Variants in RNF180 observed in about 807,000 individuals in gnomAD.
The protein encoded by RNF180 is E3 ubiquitin-protein ligase RNF180.
RNF180 carries 38 observed loss-of-function variants against 59.2 expected under a neutral mutation model. That is an observed-to-expected ratio of 0.64 (90% CI 0.50 to 0.84). The LOEUF (loss-of-function observed/expected upper bound fraction) is 0.84. Among genes scored for constraint, RNF180 ranks in the 40% least tolerant of loss-of-function variants. The pLI is 0.00. For missense variants in RNF180, 705 were observed against 700.9 expected (o/e 1.01, Z -0.07); for synonymous variants, 262 against 240.3 (o/e 1.09, Z -0.84).
At chr5:64,334,998 A>C (rs1001411332) in intron 7 of RNF180, among the ~76,000 whole-genome samples, 1 of 152,230 alleles carries the variant, frequency 6.6e-6, no homozygotes, top group African/African-American at 2.4e-5. Flanking sequence ...GTGATGATTT[A>C]TCACCAGCTT....
chr5:64,232,433 C>T (rs1295733494), intron 5 of RNF180, among the ~76,000 whole-genome samples: 5 of 152,070 alleles, frequency 3.3e-5, no homozygotes, highest in African/African-American at 1.2e-4. Flanking sequence ...GTGGTGTGAT[C>T]AGAGCTCACT....
chr5:64,218,034 A>G (rs1019447249), intron 5 of RNF180, among the ~76,000 whole-genome samples: 33 of 151,948 alleles, frequency 2.2e-4, no homozygotes, highest in Admixed American at 2.1e-3. Context: ...GTTTCATTTG[A>G]TATGTGATTT....
At chr5:64,210,504 A>G (rs564289972) in intron 2 of RNF180, among the ~76,000 whole-genome samples, 69 of 152,214 alleles carry the variant, frequency 4.5e-4, no homozygotes, top group African/African-American at 1.6e-3. Flanking sequence ...TTATATTTGT[A>G]TTATGTTGTG....
intron 5 of RNF180, among the ~76,000 whole-genome samples, chr5:64,258,993 G>T (rs1026410885): frequency 6.6e-6 from 1 of 152,112 alleles, no homozygotes; most frequent in Non-Finnish European, 1.5e-5. Flanking sequence ...GACAGCAGTG[G>T]GTAGGAGAAG....
intron 1 of RNF180, among the ~76,000 whole-genome samples, chr5:64,169,327 C>T (rs1749815996): frequency 6.6e-6 from 1 of 152,222 alleles, no homozygotes; most frequent in Non-Finnish European, 1.5e-5. Context: ...ACGCTACTCT[C>T]AGTTACTATC....
intron 1 of RNF180, among the ~76,000 whole-genome samples, chr5:64,198,064 A>G (rs1435734163): frequency 6.6e-6 from 1 of 152,202 alleles, no homozygotes; most frequent in Non-Finnish European, 1.5e-5. Flanking sequence ...ATACAACACA[A>G]GCCTTACCTA....
intron 1 of RNF180, among the ~76,000 whole-genome samples, chr5:64,180,269 T>C (rs1369734530): frequency 6.6e-6 from 1 of 152,192 alleles, no homozygotes; most frequent in East Asian, 1.9e-4. Flanking sequence ...TGACCCAGCC[T>C]ATAGTCACAA....
intron 2 of RNF180, among the ~76,000 whole-genome samples, chr5:64,211,637 G>A (rs1009453626): frequency 1.3e-5 from 2 of 152,058 alleles, no homozygotes; most frequent in Admixed American, 1.3e-4. Flanking sequence ...CCATCTTTCT[G>A]CACATCCATC....
chr5:64,206,894 A>C (rs1299402542), intron 2 of RNF180, among the ~76,000 whole-genome samples: 1 of 152,126 alleles, frequency 6.6e-6, no homozygotes, highest in Non-Finnish European at 1.5e-5. Flanking sequence ...TTCAGCCTCT[A>C]GAACTGAGAG....
intron 3 of RNF180, among the ~76,000 whole-genome samples, chr5:64,212,424 A>G (rs1469868777): frequency 6.6e-6 from 1 of 152,016 alleles, no homozygotes; most frequent in East Asian, 1.9e-4. Context: ...CATATATATT[A>G]TTATACACAC....
At chr5:64,257,459 A>C (rs533893862) in intron 5 of RNF180, among the ~76,000 whole-genome samples, 51 of 152,310 alleles carry the variant, frequency 3.3e-4, no homozygotes, top group Admixed American at 9.8e-4. Context: ...TGTTGAGATA[A>C]TCATGTGGTT....
intron 7 of RNF180, among the ~76,000 whole-genome samples, chr5:64,347,928 A>G (rs1580290649): frequency 2.0e-5 from 3 of 152,256 alleles, no homozygotes; most frequent in Non-Finnish European, 1.5e-5. Flanking sequence ...TAGCTTTGCT[A>G]AGATTACATT....
chr5:64,211,077 G>T (rs751220315), intron 2 of RNF180, among the ~76,000 whole-genome samples: 18 of 152,164 alleles, frequency 1.2e-4, no homozygotes, highest in African/African-American at 1.9e-4. Flanking sequence ...TCAGCTTCTG[G>T]TGGTATCCTT....
At chr5:64,317,617 C>CACAT (rs1554042857) in intron 5 of RNF180, among the ~76,000 whole-genome samples, 2 of 111,048 alleles carry the variant, frequency 1.8e-5, no homozygotes, top group African/African-American at 9.9e-5. Context: ...CACACACACA[C>CACAT]ATATATACAC....
Position 64,350,582 on chromosome 5 carries a change from TG to T in RNF180, c.1580-19032del. ...CTTTAATCCATTTTGAATGAATTTTTGTATAAGGTATAAGGAAGGGATCCAG... is the reference window on the plus strand; with the variant it reads ...CTTTAATCCATTTTGAATGAATTTTTTATAAGGTATAAGGAAGGGATCCAG... On this transcript the variant is annotated intron_variant, in intron 7 of 7. Coordinates refer to ENST00000389100, the MANE Select transcript of RNF180 (RefSeq NM_001113561.2). Among the ~76,000 whole-genome samples the T allele has an allele frequency of 3.9e-5, 6 of 152,310 alleles. No individual in the cohort carries two copies. The South Asian group carries it at 1.2e-3, about 32-fold the overall frequency.
At chr5:64,223,130 G>A (rs929975329) in intron 5 of RNF180, among the ~76,000 whole-genome samples, 11 of 152,154 alleles carry the variant, frequency 7.2e-5, no homozygotes, top group African/African-American at 2.7e-4. Context: ...TTCTTCTGGA[G>A]GCTCTATAAT....
chr5:64,366,098 G>A (rs969121974), intron 7 of RNF180, among the ~76,000 whole-genome samples: 1 of 151,450 alleles, frequency 6.6e-6, no homozygotes, highest in Non-Finnish European at 1.5e-5. Flanking sequence ...TTTGCAGTGG[G>A]TGATAACAGT....
chr5:64,249,626 A>C (rs1743431683), intron 5 of RNF180, among the ~76,000 whole-genome samples: 1 of 151,976 alleles, frequency 6.6e-6, no homozygotes, highest in African/African-American at 2.4e-5. Flanking sequence ...GAAGGGATAG[A>C]AAATGATATT....
intron 7 of RNF180, among the ~76,000 whole-genome samples, chr5:64,368,230 A>G (rs921186258): frequency 6.6e-6 from 1 of 151,764 alleles, no homozygotes; most frequent in Non-Finnish European, 1.5e-5. Flanking sequence ...CGATGCTAAA[A>G]TAAGATATTC....
Sources: gnomAD v4.1 joint callset for allele counts (sites outside exome capture counted in the v4.1 genomes callset) on GRCh38, gnomAD v4.1.1 for gene constraint, MANE v1.5 for transcripts, NCBI Gene and HGNC (gene_info 2026-07-23, HGNC 2026-07-21) for gene names.